LPAR2: variants seen among roughly 807,000 people sequenced by gnomAD.
The protein encoded by LPAR2 is lysophosphatidic acid receptor 2.
LPAR2 carries 10 observed loss-of-function variants against 15.6 expected under a neutral mutation model. That is an observed-to-expected ratio of 0.64 (90% CI 0.39 to 1.09). The LOEUF (loss-of-function observed/expected upper bound fraction) is 1.09. Among genes scored for constraint, LPAR2 ranks in the 50% least tolerant of loss-of-function variants. The probability of loss-of-function intolerance (pLI) is 0.01; values close to 1 mark genes in which losing one functional copy is unlikely to be tolerated. For missense variants in LPAR2, 413 were observed against 484.6 expected (o/e 0.85, Z 1.39); for synonymous variants, 204 against 207.4 (o/e 0.98, Z 0.14).
In LPAR2 at chr19:19,627,904, CG is replaced by C. The variant is rs2061751281; in HGVS notation, c.-1+187del. 6.5e-6 allele frequency: 1 copy of C among 153,542 alleles called. No individual in the cohort carries two copies. The highest frequency in any genetic ancestry group is 1.9e-4 in the East Asian group (1 of 5,190). The allele number at this position is 153,542 out of a possible 1,614,324, so 9.5% of individuals were successfully genotyped here. ...TTCCGGGTGGGACGGAGGACACTGG[CG>C]GTCTCCGGGACAAAGACAGCGGTTG... is the stretch of plus-strand genomic sequence containing the variant. On this transcript the variant is annotated intron_variant, in intron 1 of 2. Transcript: ENST00000407877. This position sits in a 1 kb window ranked among gnomAD's most constrained non-coding sequence, Gnocchi z 4.7.
rs2144820038 is a variant in LPAR2 at position 19,627,235 on chromosome 19, T to C, written c.50A>G (p.Tyr17Cys). 1 of 1,609,354 alleles carries C rather than the reference T, an allele frequency of 6.2e-7. No individual in the cohort carries two copies. Among genetic ancestry groups the C allele is most frequent in the Non-Finnish European group, 8.5e-7 (1 of 1,180,002 alleles). ...GCTGAGCTCTTTGCCACTGTTGTTATAGAAGAAGCCGATGGTCTCGTTGTA... is the reference window on the plus strand; with the variant it reads ...GCTGAGCTCTTTGCCACTGTTGTTACAGAAGAAGCCGATGGTCTCGTTGTA... Residue 17 changes from tyrosine (Y) to cysteine (C), a missense_variant, in exon 2 of 3, where the codon TAT becomes TGT. Transcript: ENST00000407877. This position sits in a 1 kb window ranked among gnomAD's most constrained non-coding sequence, Gnocchi z 4.7.
At position 19,626,450 on chromosome 19, in the gene LPAR2, T is replaced by C; in HGVS notation, c.742+93A>G. 1 of 1,454,154 alleles carries C rather than the reference T, an allele frequency of 6.9e-7. No individual in the cohort carries two copies. The highest frequency in any genetic ancestry group is 1.4e-5 in the South Asian group (1 of 73,988). The allele number at this position is 1,454,154 out of a possible 1,614,324, so 90.1% of individuals were successfully genotyped here. A position where few individuals can be genotyped will look rare whatever the true frequency, so the allele number is the denominator to read the frequency against. The stretch of plus-strand genomic sequence containing the variant: ...ACCTAAATCATCCCCCATCACCCTC[T>C]ATCAGGTAGCTTGTTTTGTTCATTG... On this transcript the variant is annotated intron_variant, in intron 2 of 2. Transcript: ENST00000407877. This position sits in a 1 kb window ranked among gnomAD's most constrained non-coding sequence, Gnocchi z 5.3.
In LPAR2 at chr19:19,623,883, GCCCGAGAGAGCCCTTATCTCTCCCCA is replaced by G; in HGVS notation, c.*347_*372del. 4.4e-6 allele frequency: 1 copy of G among 224,786 alleles called. No individual in the cohort carries two copies. Among genetic ancestry groups the G allele is most frequent in the Non-Finnish European group, 8.9e-6 (1 of 112,704 alleles). 13.9% of individuals were successfully genotyped at this position (224,786 alleles called of 1,614,324 possible). A position where few individuals can be genotyped will look rare whatever the true frequency, so the allele number is the denominator to read the frequency against. On this transcript the variant is annotated 3_prime_UTR_variant, in exon 3 of 3. Transcript: ENST00000407877. ...TTACCCAGTCATACCGGGTAGCATG[GCCCGAGAGAGCCCTTATCTCTCCCCA>G]CCTTAAAACCCTCAGCATCACACAG...
chr19:19,627,693 CG>C lies in LPAR2; in HGVS notation c.-1+398del. The C allele has an allele frequency of 4.3e-6, 1 of 233,372 alleles. No individual in the cohort carries two copies. 14.5% of individuals were successfully genotyped at this position (233,372 alleles called of 1,614,324 possible). On this transcript the variant is annotated intron_variant, in intron 1 of 2. Transcript: ENST00000407877. This position sits in a 1 kb window ranked among gnomAD's most constrained non-coding sequence, Gnocchi z 4.7. Reference sequence around the variant, plus strand: ...AGATGAGGGAGGATCACTTTGGTGCCGGAGTCAGTGTAGGGAGCAGAGACCC... The same window carrying C: ...AGATGAGGGAGGATCACTTTGGTGCCGAGTCAGTGTAGGGAGCAGAGACCC...
chr19:19,627,597 A>C lies in LPAR2; in HGVS notation c.1-313T>G. 1 of 358,686 alleles carries C rather than the reference A, an allele frequency of 2.8e-6. No homozygotes were observed. The highest frequency in any genetic ancestry group is 5.2e-6 in the Non-Finnish European group (1 of 190,570). 22.2% of individuals were successfully genotyped at this position (358,686 alleles called of 1,614,324 possible). A position where few individuals can be genotyped will look rare whatever the true frequency, so the allele number is the denominator to read the frequency against. On this transcript the variant is annotated intron_variant, in intron 1 of 2. Coordinates refer to ENST00000407877, the MANE Select transcript of LPAR2 (RefSeq NM_004720.7). This position sits in a 1 kb window ranked among gnomAD's most constrained non-coding sequence, Gnocchi z 4.7. ...TCGAATCCCAGCCCACCTGCCGCCA[A>C]TGTGTGACCCGGTTTGGGTTGTGGG...
chr19:19,626,542 C>T lies in LPAR2; in HGVS notation c.742+1G>A. The T allele has an allele frequency of 6.3e-7, 1 of 1,593,060 alleles. No homozygotes were observed. The highest frequency in any genetic ancestry group is 2.2e-5 in the East Asian group (1 of 44,690). On this transcript the variant is annotated splice_donor_variant, in intron 2 of 2. Coordinates refer to ENST00000407877, the MANE Select transcript of LPAR2 (RefSeq NM_004720.7). LOFTEE classifies it high-confidence loss of function. The surrounding 1 kb of genome is among the most constrained non-coding windows in gnomAD (Gnocchi z 5.3). ...TGTTGCCCCCTGGGGGCCCCACTTA[C>T]CCAGGATGATGACAACAGTCTTGAC... is the stretch of plus-strand genomic sequence containing the variant.
rs754809626 is a variant in LPAR2 at position 19,623,991 on chromosome 19, G to C, written c.*265C>G. On this transcript the variant is annotated 3_prime_UTR_variant, in exon 3 of 3. Transcript: ENST00000407877. Reference sequence around the variant, plus strand: ...ACGCAGTGAAAACAGAATAATGTCTGTTACAAACCCCCTAAACCTGAGATG... The same window carrying C: ...ACGCAGTGAAAACAGAATAATGTCTCTTACAAACCCCCTAAACCTGAGATG... 1.9e-6 allele frequency: 1 copy of C among 524,510 alleles called. No individual in the cohort carries two copies. The highest frequency in any genetic ancestry group is 3.2e-5 in the Admixed American group (1 of 31,278). 32.5% of individuals were successfully genotyped at this position (524,510 alleles called of 1,614,324 possible). A position where few individuals can be genotyped will look rare whatever the true frequency, so the allele number is the denominator to read the frequency against.
intron 2 of LPAR2, among the ~76,000 whole-genome samples, chr19:19,624,853 C>T (rs896025045): frequency 3.4e-4 from 51 of 151,160 alleles, no homozygotes; most frequent in Admixed American, 2.1e-3. Context: ...CTCGCTCTGT[C>T]GCCAGGCTAG....
In LPAR2 at chr19:19,626,912, T is replaced by C. The variant is rs2061743746; in HGVS notation, c.373A>G (p.Ile125Val). 5.0e-6 allele frequency: 8 copies of C among 1,603,668 alleles called. No individual in the cohort carries two copies. The highest frequency in any genetic ancestry group is 6.8e-6 in the Non-Finnish European group (8 of 1,175,874). The change falls in exon 2 of 3, where the codon ATC (isoleucine) becomes GTC (valine). Residue 125 changes from isoleucine to valine, a missense_variant. Ile to Val is a conservative substitution (Grantham distance 29, BLOSUM62 3). Coordinates refer to ENST00000407877, the MANE Select transcript of LPAR2 (RefSeq NM_004720.7). The surrounding 1 kb of genome is among the most constrained non-coding windows in gnomAD (Gnocchi z 5.3). The stretch of plus-strand genomic sequence containing the variant: ...ACACTGCGGTGCCGCTCCACGGCGA[T>C]GGCCAGCAGTGTGGCCACCGACGCA...
chr19:19,626,486 T>C lies in LPAR2; in HGVS notation c.742+57A>G, dbSNP rs1180955282. On this transcript the variant is annotated intron_variant, in intron 2 of 2. Transcript: ENST00000407877. This position sits in a 1 kb window ranked among gnomAD's most constrained non-coding sequence, Gnocchi z 5.3. ...TTGTTTTGTTCATTGCTTCGCAGTG[T>C]CTTGTGGGAGATAGGGGGAAGCAGG... The C allele has an allele frequency of 6.5e-7, 1 of 1,536,194 alleles. No individual in the cohort carries two copies. Among genetic ancestry groups the C allele is most frequent in the Non-Finnish European group, 8.8e-7 (1 of 1,141,914 alleles).
rs1046241077 is a variant in LPAR2, at chr19:19,626,707, C to T, written c.578G>A (p.Trp193Ter). ...GAAGACAAGCAGGCTCGACAGAGCC[C>T]AGACGGCCAAATAGGAGCGGCTGAG... The change falls in exon 2 of 3, where the codon TGG (tryptophan) becomes TAG (stop). Residue 193 changes from tryptophan to a stop codon, truncating the protein, a stop_gained. Transcript: ENST00000407877. LOFTEE classifies it high-confidence loss of function. This position sits in a 1 kb window ranked among gnomAD's most constrained non-coding sequence, Gnocchi z 5.3. 1 of 1,613,574 alleles carries T rather than the reference C, an allele frequency of 6.2e-7. No individual in the cohort carries two copies. The highest frequency in any genetic ancestry group is 1.3e-5 in the African/African-American group (1 of 74,942).
In LPAR2 at chr19:19,624,428, T is replaced by C. The variant is rs1160734938; in HGVS notation, c.884A>G (p.Tyr295Cys). 2.5e-6 allele frequency: 4 copies of C among 1,613,986 alleles called. No individual in the cohort carries two copies. Among genetic ancestry groups the C allele is most frequent in the Non-Finnish European group, 3.4e-6 (4 of 1,180,002 alleles). The change falls in exon 3 of 3, where the codon TAC (tyrosine) becomes TGC (cysteine). Residue 295 changes from tyrosine (Y) to cysteine (C), a missense_variant. Tyr to Cys is a radical substitution (Grantham distance 194). Transcript: ENST00000407877. ...GCGCATCTCAGCATCTCGGCAAGAGTACACAGCAGCATTGACCAGGGAGTT... is the reference window on the plus strand; with the variant it reads ...GCGCATCTCAGCATCTCGGCAAGAGCACACAGCAGCATTGACCAGGGAGTT...
chr19:19,626,119 C>T lies in LPAR2; in HGVS notation c.742+424G>A, dbSNP rs149558234. Among the ~76,000 whole-genome samples, 1,081 of 152,136 alleles carry T rather than the reference C, an allele frequency of 7.1e-3. 17 individuals carry two copies. Among genetic ancestry groups the T allele is most frequent in the African/African-American group, 0.025 (1,033 of 41,532 alleles). Reference sequence around the variant, plus strand: ...GCTGGTCGTGAACTCCCAACCTCAGCTGATCTGCCCGCCTCGGCCTCCCAA... The same window carrying T: ...GCTGGTCGTGAACTCCCAACCTCAGTTGATCTGCCCGCCTCGGCCTCCCAA... On this transcript the variant is annotated intron_variant, in intron 2 of 2. Coordinates refer to ENST00000407877, the MANE Select transcript of LPAR2 (RefSeq NM_004720.7). This position sits in a 1 kb window ranked among gnomAD's most constrained non-coding sequence, Gnocchi z 5.3.
rs777696944 is a variant in LPAR2, at chr19:19,626,635, C to T, written c.650G>A (p.Arg217Gln). ...ATGCTCTGCCATGCGCTGCACTCGC[C>T]GCCGCACGTAGAAGAAAATGCGGGT... The change falls in exon 2 of 3, where the codon CGG (arginine) becomes CAG (glutamine). Residue 217 changes from arginine to glutamine, a missense_variant. Physicochemically the swap from Arg to Gln is conservative, Grantham distance 43. Transcript: ENST00000407877. This position sits in a 1 kb window ranked among gnomAD's most constrained non-coding sequence, Gnocchi z 5.3. 6.2e-6 allele frequency: 10 copies of T among 1,613,210 alleles called. No individual in the cohort carries two copies. Among genetic ancestry groups the T allele is most frequent in the East Asian group, 4.5e-5 (2 of 44,888 alleles).
intron 2 of LPAR2, among the ~76,000 whole-genome samples, chr19:19,625,642 G>T (rs1025091901): frequency 6.6e-6 from 1 of 151,278 alleles, no homozygotes; most frequent in African/African-American, 2.4e-5. Context: ...AATTAGCCAG[G>T]CATAGTGGCA....
chr19:19,627,385 A>C lies in LPAR2; in HGVS notation c.1-101T>G. 19 of 1,214,040 alleles carry C rather than the reference A, an allele frequency of 1.6e-5. No individual in the cohort carries two copies. The highest frequency in any genetic ancestry group is 2.2e-5 in the Non-Finnish European group (19 of 865,224). 75.2% of individuals were successfully genotyped at this position (1,214,040 alleles called of 1,614,324 possible). A position where few individuals can be genotyped will look rare whatever the true frequency, so the allele number is the denominator to read the frequency against. ...TCAGCGCAGGAAGGACAAGGGTCTC[A>C]AATTCAGATACCTCGAAGCAAAGTG... On this transcript the variant is annotated intron_variant, in intron 1 of 2. Coordinates refer to ENST00000407877, the MANE Select transcript of LPAR2 (RefSeq NM_004720.7). The surrounding 1 kb of genome is among the most constrained non-coding windows in gnomAD (Gnocchi z 4.7).
rs1204199011 is a variant in LPAR2, at chr19:19,624,547, T to C, written c.765A>G (p.Thr255=). 29 of 1,606,066 alleles carry C rather than the reference T, an allele frequency of 1.8e-5. No homozygotes were observed. Among genetic ancestry groups the C allele is most frequent in the African/African-American group, 2.7e-5 (2 of 74,762 alleles). The change falls in exon 3 of 3, where the codon ACA becomes ACG. Residue 255 remains threonine (T), a synonymous_variant. Coordinates refer to ENST00000407877, the MANE Select transcript of LPAR2 (RefSeq NM_004720.7). ...CCAGGAGCAGTACCACCTGGCCTGGTGTCCAGCAGACCACGAACGCCCCTG... is the reference window on the plus strand; with the variant it reads ...CCAGGAGCAGTACCACCTGGCCTGGCGTCCAGCAGACCACGAACGCCCCTG...
In LPAR2 at chr19:19,624,389, CG is replaced by C. The variant is rs1341983242; in HGVS notation, c.922del (p.Arg308AlafsTer39). On this transcript the variant is annotated frameshift_variant, in exon 3 of 3. Transcript: ENST00000407877. LOFTEE classifies it low-confidence loss of function (END_TRUNC). ...GCGGAGGCACGCGCAGCAGAGAAGG[CG>C]GCGGAAGGTGCGGCGCATCTCAGCA... 1 of 1,614,016 alleles carries C rather than the reference CG, an allele frequency of 6.2e-7. No individual in the cohort carries two copies. Among genetic ancestry groups the C allele is most frequent in the Non-Finnish European group, 8.5e-7 (1 of 1,180,040 alleles).
Position 19,624,302 on chromosome 19 carries a change from A to T in LPAR2, c.1010T>A (p.Ile337Asn), listed in dbSNP as rs2061728844. The change falls in exon 3 of 3, where the codon ATC becomes AAC. Residue 337 changes from isoleucine to asparagine, a missense_variant. Ile to Asn is a moderately radical substitution (Grantham distance 149, BLOSUM62 -3). Transcript: ENST00000407877. ...TGGGTGGCCGTTCTCGGGAAGCATG[A>T]TGCGAGTGCTGGCACCTCCCTGGGC... 6.2e-7 allele frequency: 1 copy of T among 1,612,226 alleles called. No individual in the cohort carries two copies. Among genetic ancestry groups the T allele is most frequent in the Non-Finnish European group, 8.5e-7 (1 of 1,178,408 alleles).
Sources: gnomAD v4.1 joint callset for allele counts (sites outside exome capture counted in the v4.1 genomes callset) on GRCh38, gnomAD v4.1.1 for gene constraint, Gnocchi (gnomAD v3.1) non-coding constraint, MANE v1.5 for transcripts, NCBI Gene and HGNC (gene_info 2026-07-23, HGNC 2026-07-21) for gene names.